Variants in STK3 observed in about 807,000 individuals in gnomAD.
STK3 encodes the protein serine/threonine kinase 3.
STK3 carries 41 observed loss-of-function variants against 58.0 expected under a neutral mutation model. The observed-to-expected ratio is 0.71, with a 90% CI of 0.55 to 0.92. The LOEUF (loss-of-function observed/expected upper bound fraction) is 0.92. Among genes scored for constraint, STK3 ranks in the 40% least tolerant of loss-of-function variants. The pLI is 0.00. For missense variants in STK3, 479 were observed against 602.7 expected, an observed-to-expected ratio of 0.79 and a Z score of 2.15; for synonymous variants, 170 against 191.0, an observed-to-expected ratio of 0.89 and a Z score of 0.91.
chr8:98,910,943 G>A (rs577095188), intron 1 of STK3, among the ~76,000 whole-genome samples: 5 of 152,176 alleles, frequency 3.3e-5, no homozygotes, highest in South Asian at 2.1e-4. Context: ...GTCAGCCATC[G>A]CACTTAGCAA....
chr8:98,594,374 C>T (rs556775497), intron 7 of STK3, among the ~76,000 whole-genome samples: 4 of 151,978 alleles, frequency 2.6e-5, no homozygotes, highest in Admixed American at 6.6e-5. Flanking sequence ...CTGAGGCAGG[C>T]GGATCACTTG....
intron 6 of STK3, chr8:98,598,159 G>C (rs1815994763): frequency 1.0e-6 from 1 of 985,224 alleles, no homozygotes; most frequent in Non-Finnish European, 1.2e-6. Flanking sequence ...CTGCACTTCT[G>C]TTGTAAACTG....
chr8:98,564,070 C>T (rs1812275218), intron 8 of STK3, among the ~76,000 whole-genome samples: 1 of 152,084 alleles, frequency 6.6e-6, no homozygotes, highest in African/African-American at 2.4e-5. Flanking sequence ...TCCTGGTTAA[C>T]ATCAACAGTG....
chr8:98,379,353 T>C (rs888039768), intron 1 of STK3: 3 of 152,224 alleles, frequency 2.0e-5, no homozygotes, highest in Non-Finnish European at 4.4e-5. Context: ...TACAGAATAA[T>C]TAGCTTAAAA....
intron 3 of STK3, chr8:98,412,760 T>C (rs1586552263): frequency 6.5e-6 from 1 of 153,596 alleles, no homozygotes; most frequent in Non-Finnish European, 1.5e-5. Flanking sequence ...AGAAGCTCGG[T>C]GGTGGACGTG....
rs574086255 is a variant in STK3 at position 98,624,651 on chromosome 8, G to A, written c.685-28482C>T. 9.9e-5 allele frequency among the ~76,000 whole-genome samples: 15 copies of A among 152,152 alleles called. No homozygotes were observed. The East Asian group carries it at 2.5e-3, about 25-fold the overall frequency. On this transcript the variant is annotated intron_variant, in intron 6 of 10. Transcript: ENST00000419617. ...TGGGATCACTTGAGGTCAGGAGTTC[G>A]AGACTAGCCTGGGCAACATGGTGAA... is the stretch of plus-strand genomic sequence containing the variant.
chr8:98,514,499 A>G (rs922388566), intron 10 of STK3, among the ~76,000 whole-genome samples: 3 of 152,026 alleles, frequency 2.0e-5, no homozygotes, highest in Admixed American at 2.0e-4. Flanking sequence ...CTTTAAGTTC[A>G]AGCATAGACT....
chr8:98,492,856 C>G (rs778188587), intron 10 of STK3, among the ~76,000 whole-genome samples: 7 of 152,060 alleles, frequency 4.6e-5, no homozygotes, highest in Non-Finnish European at 7.4e-5. Flanking sequence ...CCATCCCCTC[C>G]TCTTTCCTTA....
the STK3 span, among the ~76,000 whole-genome samples, chr8:98,354,864 G>C: frequency 2.0e-5 from 3 of 152,114 alleles, no homozygotes; most frequent in Non-Finnish European, 4.4e-5. Flanking sequence ...TGCAACCTCC[G>C]CCTGCCAGGT....
chr8:98,781,717 C>T (rs1832100492), intron 1 of STK3, among the ~76,000 whole-genome samples: 1 of 152,102 alleles, frequency 6.6e-6, no homozygotes, highest in African/African-American at 2.4e-5. Context: ...GCTTAACTGC[C>T]TACCAGAACG....
intron 1 of STK3, among the ~76,000 whole-genome samples, chr8:98,445,048 A>G (rs1050104279): frequency 2.0e-5 from 3 of 152,176 alleles, no homozygotes; most frequent in African/African-American, 7.2e-5. Context: ...TCTGTAGTTC[A>G]AAAACTTTTA....
At chr8:98,870,435 T>C (rs531239719) in intron 3 of STK3, among the ~76,000 whole-genome samples, 32 of 152,254 alleles carry the variant, frequency 2.1e-4, no homozygotes, top group African/African-American at 7.2e-4. Flanking sequence ...TCCACAATGG[T>C]TGAACTAGTT....
intron 10 of STK3, among the ~76,000 whole-genome samples, chr8:98,500,168 T>A (rs935788238): frequency 2.4e-5 from 1 of 42,068 alleles, no homozygotes; most frequent in Non-Finnish European, 4.5e-5. Flanking sequence ...AAAAAGGTCA[T>A]GTGACCAAAA....
At position 98,661,811 on chromosome 8, in the gene STK3, T is replaced by C. The variant is rs1171451523; in HGVS notation, c.684+44656A>G. 2.6e-5 allele frequency among the ~76,000 whole-genome samples: 4 copies of C among 152,016 alleles called. No homozygotes were observed. In the South Asian group the frequency reaches 6.2e-4, roughly 24 times the overall value. On this transcript the variant is annotated intron_variant, in intron 6 of 10. Transcript: ENST00000419617. ...TTTATACATGCTTACCTTCTCTGAT[T>C]AGAAAAACCTTACTTTGTCTACCCC...
At chr8:98,355,327 T>C in the STK3 span, among the ~76,000 whole-genome samples, 1 of 152,262 alleles carries the variant, frequency 6.6e-6, no homozygotes, top group African/African-American at 2.4e-5. Flanking sequence ...TGCTCTGCTG[T>C]ACAACTTTCT....
chr8:98,526,998 G>A (rs1025704389), intron 9 of STK3, 81 bp from the exon 10 acceptor site: 38 of 1,214,064 alleles, frequency 3.1e-5, no homozygotes, highest in Non-Finnish European at 4.1e-5. Flanking sequence ...ATTTTTTTAT[G>A]AAGCCATATA....
chr8:98,499,122 C>T (rs1024040475), intron 10 of STK3, among the ~76,000 whole-genome samples: 1 of 152,156 alleles, frequency 6.6e-6, no homozygotes, highest in Non-Finnish European at 1.5e-5. Context: ...AGATGCTACA[C>T]TGCTGGCTTT....
chr8:98,807,892 C>A (rs1213378735), intron 1 of STK3, among the ~76,000 whole-genome samples: 1 of 152,010 alleles, frequency 6.6e-6, no homozygotes, highest in Non-Finnish European at 1.5e-5. Context: ...CTGGTCTTGC[C>A]AAAACAATAA....
At chr8:98,525,967 T>C (rs1352100922) in intron 10 of STK3, among the ~76,000 whole-genome samples, 2 of 151,860 alleles carry the variant, frequency 1.3e-5, no homozygotes, top group Non-Finnish European at 2.9e-5. Flanking sequence ...TATAAAGGAT[T>C]ATAAAGTTAT....
Sources: gnomAD v4.1 joint callset for allele counts (sites outside exome capture counted in the v4.1 genomes callset) on GRCh38, gnomAD v4.1.1 for gene constraint, MANE v1.5 for transcripts, NCBI Gene and HGNC (gene_info 2026-07-23, HGNC 2026-07-21) for gene names.